The following DCP1A variants were observed in gnomAD, a reference collection of about 807,000 sequenced individuals.
The protein encoded by DCP1A is decapping mRNA 1A.
DCP1A carries 20 observed loss-of-function variants against 58.0 expected under a neutral mutation model. The ratio of observed to expected loss-of-function variants is 0.34; its 90% CI spans 0.24 to 0.50. The LOEUF (loss-of-function observed/expected upper bound fraction) is 0.50, where lower values mean the gene tolerates loss of function less well. DCP1A is among the 20% of genes least tolerant of loss of function. DCP1A has a pLI of 0.98. For missense variants in DCP1A, 613 were observed against 712.2 expected (o/e 0.86, Z 1.59); for synonymous variants, 285 against 275.1 (o/e 1.04, Z -0.36).
At chr3:53,333,265 T>A (rs2089048897) in intron 3 of DCP1A, 1 of 151,792 alleles carries the variant, frequency 6.6e-6, no homozygotes, top group African/African-American at 2.4e-5. Flanking sequence ...CTCAGCCTCC[T>A]GAGTAGCTGG....
intron 5 of DCP1A, among the ~76,000 whole-genome samples, chr3:53,305,390 C>A (rs778981264): frequency 2.4e-4 from 37 of 151,118 alleles, no homozygotes; most frequent in Non-Finnish European, 4.4e-4. Flanking sequence ...CACTCTGTTG[C>A]CCAGCCTGGA....
At chr3:53,319,278 G>T (rs1707894892) in intron 4 of DCP1A, 129 bp downstream of exon 4, 2 of 553,902 alleles carry the variant, frequency 3.6e-6, no homozygotes, top group Non-Finnish European at 6.4e-6. Context: ...CCTTTTCCAA[G>T]TTTTTGGCAG....
intron 5 of DCP1A, among the ~76,000 whole-genome samples, chr3:53,306,687 T>C (rs1281216321): frequency 1.4e-5 from 2 of 146,010 alleles, no homozygotes; most frequent in Non-Finnish European, 3.0e-5. Flanking sequence ...AGGAGAATGG[T>C]GTGAACCCAA....
At position 53,339,454 on chromosome 3, in the gene DCP1A, T is replaced by C. The variant is rs924939742; in HGVS notation, c.304+2690A>G. On this transcript the variant is annotated intron_variant, in intron 3 of 9. Coordinates refer to ENST00000610213, the MANE Select transcript of DCP1A (RefSeq NM_018403.7). ...GATTTTAGGTCTCACTATAACAATT[T>C]AACCTATGATACTACAGTGGAGTTA... is the stretch of plus-strand genomic sequence containing the variant. Among the ~76,000 whole-genome samples the C allele has an allele frequency of 2.0e-5, 3 of 152,260 alleles. No individual in the cohort carries two copies. The East Asian group carries it at 5.8e-4, about 29-fold the overall frequency.
intron 7 of DCP1A, 95 bp downstream of exon 7, chr3:53,291,974 T>C: frequency 1.5e-6 from 2 of 1,343,276 alleles, no homozygotes; most frequent in South Asian, 1.5e-5. Flanking sequence ...CTCTAAAAAT[T>C]GTCATGTCAT....
At chr3:53,309,431 G>A (rs955110164) in intron 5 of DCP1A, among the ~76,000 whole-genome samples, 5 of 150,724 alleles carry the variant, frequency 3.3e-5, no homozygotes, top group South Asian at 4.2e-4. Flanking sequence ...TCTTTCTTTT[G>A]AAGAAAATGC....
chr3:53,344,961 C>CA lies in DCP1A; in HGVS notation c.136-20dup. On this transcript the variant is annotated intron_variant, in intron 1 of 9. Coordinates refer to ENST00000610213, the MANE Select transcript of DCP1A (RefSeq NM_018403.7). ...TCTTCTCCTATGAAAGACAATGACTCAATTAGTTTTTTTTCCCCATAATCA... is the reference window on the plus strand; with the variant it reads ...TCTTCTCCTATGAAAGACAATGACTCAAATTAGTTTTTTTTCCCCATAATCA... The CA allele has an allele frequency of 6.3e-7, 1 of 1,595,988 alleles. No individual in the cohort carries two copies. Among genetic ancestry groups the CA allele is most frequent in the Non-Finnish European group, 8.5e-7 (1 of 1,171,826 alleles).
intron 6 of DCP1A, among the ~76,000 whole-genome samples, chr3:53,303,053 G>A (rs1199666818): frequency 4.0e-5 from 6 of 151,752 alleles, no homozygotes; most frequent in African/African-American, 1.2e-4. Context: ...GAGCTCAAGC[G>A]AGGCTCCTAC....
intron 3 of DCP1A, among the ~76,000 whole-genome samples, chr3:53,340,037 C>T (rs965542138): frequency 6.6e-6 from 1 of 152,158 alleles, no homozygotes; most frequent in Non-Finnish European, 1.5e-5. Context: ...GACTTTCCCA[C>T]CTCAGCCTCC....
chr3:53,313,340 G>A (rs1214237203), intron 4 of DCP1A, among the ~76,000 whole-genome samples: 2 of 151,868 alleles, frequency 1.3e-5, no homozygotes, highest in South Asian at 4.1e-4. Flanking sequence ...GACTGCTTGA[G>A]TCTGGGAGGT....
At chr3:53,324,287 A>G (rs1553690347) in intron 3 of DCP1A, among the ~76,000 whole-genome samples, 1 of 152,232 alleles carries the variant, frequency 6.6e-6, no homozygotes. Flanking sequence ...TCAGACACGC[A>G]TCCAAGAATC....
chr3:53,327,949 C>T (rs77403204), intron 3 of DCP1A, among the ~76,000 whole-genome samples: 44,434 of 151,566 alleles, frequency 0.29, 7,506 homozygotes, highest in Admixed American at 0.39. Flanking sequence ...ATGGTGAAAT[C>T]CCATTTCTAC....
chr3:53,319,549 C>A, intron 3 of DCP1A, 76 bp from the exon 4 acceptor site: 1 of 895,122 alleles, frequency 1.1e-6, no homozygotes, highest in South Asian at 1.6e-5. Context: ...AATATATTAT[C>A]ATCATGGAAT....
intron 4 of DCP1A, among the ~76,000 whole-genome samples, chr3:53,316,435 C>CG (rs1707815286): frequency 6.8e-6 from 1 of 146,562 alleles, no homozygotes; most frequent in South Asian, 2.2e-4. Flanking sequence ...TCTCTAATCA[C>CG]TTTTTTTTTT....
intron 3 of DCP1A, among the ~76,000 whole-genome samples, chr3:53,327,014 T>TC (rs1708128573): frequency 6.7e-6 from 1 of 148,728 alleles, no homozygotes; most frequent in South Asian, 2.2e-4. Flanking sequence ...CGCTCTAGTA[T>TC]CCCACACAAA....
Position 53,342,274 on chromosome 3 carries a change from T to C in DCP1A, c.177-3A>G. 1 of 1,582,468 alleles carries C rather than the reference T, an allele frequency of 6.3e-7. No homozygotes were observed. The highest frequency in any genetic ancestry group is 8.6e-7 in the Non-Finnish European group (1 of 1,160,458). On this transcript the variant is annotated splice_region_variant and splice_polypyrimidine_tract_variant and intron_variant, in intron 2 of 9. Coordinates refer to ENST00000610213, the MANE Select transcript of DCP1A (RefSeq NM_018403.7). ...AACCATGGTAAGGGGAAGCTGACCT[T>C]AGATTTAATAGAAGAAAAAAAAATA...
At chr3:53,319,601 A>T in intron 3 of DCP1A, 128 bp from the exon 4 acceptor site, 1 of 562,516 alleles carries the variant, frequency 1.8e-6, no homozygotes. Context: ...TTAATACTCT[A>T]TCTAAAGAAA....
At chr3:53,323,861 CAAAAA>C (rs11451581) in intron 3 of DCP1A, among the ~76,000 whole-genome samples, 1 of 72,800 alleles carries the variant, frequency 1.4e-5, no homozygotes. Context: ...GACTCTGTCT[CAAAAA>C]AAAAAAAAAA....
At position 53,342,211 on chromosome 3, in the gene DCP1A, A is replaced by T. The variant is rs529184344; in HGVS notation, c.237T>A (p.Val79=). The T allele has an allele frequency of 3.6e-5, 57 of 1,604,634 alleles. No individual in the cohort carries two copies. Among genetic ancestry groups the T allele is most frequent in the Admixed American group, 5.1e-5 (3 of 59,226 alleles). ...IVNRLNMHNL[V]EPVNKDLEFQ... ...ATTCCAAATCTTTATTCACTGGTTC[A>T]ACTAGATTGTGCATATTTAGTCGAT... The change falls in exon 3 of 10, where the codon GTT becomes GTA. Residue 79 remains valine (V), a synonymous_variant. Coordinates refer to ENST00000610213, the MANE Select transcript of DCP1A (RefSeq NM_018403.7).
Sources: allele counts gnomAD v4.1 joint callset (sites outside exome capture counted in the v4.1 genomes callset), GRCh38; gene constraint gnomAD v4.1.1; transcripts MANE v1.5; gene names NCBI Gene and HGNC (gene_info 2026-07-23, HGNC 2026-07-21).